Variants in MMS22L observed in about 807,000 individuals in gnomAD.
MMS22L encodes protein MMS22-like.
In MMS22L, 74 loss-of-function variants were observed where a neutral mutation model predicts 159.1. That is an observed-to-expected ratio of 0.47 (90% CI 0.39 to 0.56). The LOEUF (loss-of-function observed/expected upper bound fraction) is 0.56. Among genes scored for constraint, MMS22L ranks in the 20% least tolerant of loss-of-function variants. MMS22L has a pLI of 0.00. For missense variants in MMS22L, 1,351 were observed against 1,422.1 expected (o/e 0.95, Z 0.80); for synonymous variants, 517 against 506.9 (o/e 1.02, Z -0.27).
Position 97,229,218 on chromosome 6 carries a change from TTCC to T in MMS22L, c.1712_1714del (p.Trp571_Lys572delinsTer). On this transcript the variant is annotated stop_gained and inframe_deletion, in exon 14 of 25. Transcript: ENST00000683635. LOFTEE classifies it high-confidence loss of function. ...CATCAAGAGGAAGGCCATGTGACCCTTCCAAATGAGGGCTCTCTGAGACGTTAC... is the reference window on the plus strand; with the variant it reads ...CATCAAGAGGAAGGCCATGTGACCCTAAATGAGGGCTCTCTGAGACGTTAC... The T allele has an allele frequency of 6.2e-7, 1 of 1,614,082 alleles. No homozygotes were observed. The highest frequency in any genetic ancestry group is 1.1e-5 in the South Asian group (1 of 91,074).
chr6:97,233,851 A>C lies in MMS22L; in HGVS notation c.1302+10T>G. ...AATTCCTGGAGCAAATTCCTATTCT[A>C]TTCACTCACCAGGTTCTTACTATAA... On this transcript the variant is annotated intron_variant, in intron 12 of 24. Transcript: ENST00000683635. 18 of 1,591,498 alleles carry C rather than the reference A, an allele frequency of 1.1e-5. No homozygotes were observed. Among genetic ancestry groups the C allele is most frequent in the Non-Finnish European group, 1.5e-5 (17 of 1,171,626 alleles).
At chr6:97,266,849 A>C (rs951943926) in intron 8 of MMS22L, 8 of 152,194 alleles carry the variant, frequency 5.3e-5, no homozygotes, top group Admixed American at 5.2e-4. Context: ...GAGGATTAGG[A>C]GGGAGGCGGG....
intron 7 of MMS22L, among the ~76,000 whole-genome samples, chr6:97,269,152 A>G (rs1332791922): frequency 6.6e-6 from 1 of 152,170 alleles, no homozygotes; most frequent in East Asian, 1.9e-4. Flanking sequence ...AATATAGACA[A>G]TAAAACGTAA....
chr6:97,248,096 T>A (rs1201048799), intron 10 of MMS22L, among the ~76,000 whole-genome samples: 1 of 152,214 alleles, frequency 6.6e-6, no homozygotes, highest in East Asian at 1.9e-4. Flanking sequence ...AATACCAATA[T>A]AAGTGATAGT....
chr6:97,251,401 G>A (rs187339008), intron 10 of MMS22L, among the ~76,000 whole-genome samples: 277 of 152,216 alleles, frequency 1.8e-3, no homozygotes, highest in Non-Finnish European at 3.3e-3. Context: ...TACTAAATAT[G>A]TTGCAAATGC....
At chr6:97,158,675 ATAGT>A (rs1802106721) in intron 22 of MMS22L, among the ~76,000 whole-genome samples, 1 of 152,070 alleles carries the variant, frequency 6.6e-6, no homozygotes, top group African/African-American at 2.4e-5. Flanking sequence ...GGTCTGAGAG[ATAGT>A]TTGTTGTGAT....
intron 11 of MMS22L, among the ~76,000 whole-genome samples, chr6:97,246,400 C>T (rs941801670): frequency 2.0e-5 from 3 of 152,142 alleles, no homozygotes; most frequent in South Asian, 2.1e-4. Flanking sequence ...ATTTTGAATA[C>T]ATTTTGTCAA....
At chr6:97,149,031 TAA>T (rs1801063706) in intron 24 of MMS22L, among the ~76,000 whole-genome samples, 1 of 152,228 alleles carries the variant, frequency 6.6e-6, no homozygotes, top group African/African-American at 2.4e-5. Context: ...TTCACTACAG[TAA>T]CATGTTATAC....
intron 14 of MMS22L, among the ~76,000 whole-genome samples, chr6:97,190,509 T>C (rs1805753765): frequency 1.3e-5 from 2 of 152,112 alleles, no homozygotes; most frequent in Admixed American, 6.6e-5. Flanking sequence ...CAATACAGTA[T>C]AGTAGAAAAT....
At chr6:97,171,482 C>T (rs998188573) in intron 19 of MMS22L, among the ~76,000 whole-genome samples, 6 of 152,030 alleles carry the variant, frequency 3.9e-5, no homozygotes, top group African/African-American at 1.4e-4. Flanking sequence ...TGATTGAAAG[C>T]TTTATACATG....
chr6:97,247,682 C>T (rs1235071716), intron 10 of MMS22L, among the ~76,000 whole-genome samples: 1 of 151,938 alleles, frequency 6.6e-6, no homozygotes, highest in Non-Finnish European at 1.5e-5. Context: ...CATGCCACTG[C>T]GCTCTAGCCT....
intron 22 of MMS22L, among the ~76,000 whole-genome samples, chr6:97,159,948 G>GTTTTTTTTTTT (rs368455553): frequency 0.031 from 2,990 of 96,324 alleles, 3 homozygotes; most frequent in Non-Finnish European, 0.035. Flanking sequence ...TATCATTTCT[G>GTTTTTTTTTTT]TTTTTTTTTT....
In MMS22L at chr6:97,273,020, T is replaced by C. The variant is rs748937071; in HGVS notation, c.383A>G (p.Gln128Arg). 3.5e-5 allele frequency: 57 copies of C among 1,612,882 alleles called. No homozygotes were observed. The highest frequency in any genetic ancestry group is 4.6e-5 in the Non-Finnish European group (54 of 1,179,798). The change falls in exon 5 of 25, where the codon CAG becomes CGG. Residue 128 changes from glutamine (Q) to arginine (R), a missense_variant. Physicochemically the swap from Gln to Arg is conservative, Grantham distance 43. Coordinates refer to ENST00000683635, the MANE Select transcript of MMS22L (RefSeq NM_001350599.2). ...ATAATGGAGAAATAGTACACACTGC[T>C]GCCTAATATTGTCTGCTTTGCAGTG... is the stretch of plus-strand genomic sequence containing the variant. ...TLHCKADNIR[Q>R]QCVLFLHYVK...
chr6:97,273,855 GT>G (rs1815997606), intron 4 of MMS22L, among the ~76,000 whole-genome samples: 2 of 151,916 alleles, frequency 1.3e-5, no homozygotes, highest in South Asian at 4.2e-4. Context: ...GCTCTCTTTT[GT>G]CCCCCTATAC....
intron 9 of MMS22L, chr6:97,260,447 G>GT (rs1360829729): frequency 6.6e-6 from 1 of 152,032 alleles, no homozygotes; most frequent in Non-Finnish European, 1.5e-5. Flanking sequence ...CCTCAGTCAT[G>GT]TTGTAATTTA....
At chr6:97,205,006 C>T (rs557118479) in intron 14 of MMS22L, among the ~76,000 whole-genome samples, 9 of 136,192 alleles carry the variant, frequency 6.6e-5, no homozygotes, top group African/African-American at 1.9e-4. Context: ...TGCAATGGCG[C>T]GATCACAGCT....
intron 6 of MMS22L, 79 bp from the exon 7 acceptor site, chr6:97,270,071 T>TC: frequency 9.2e-7 from 1 of 1,089,442 alleles, no homozygotes. Flanking sequence ...ACAATACTCC[T>TC]CCATAAACAC....
At chr6:97,157,242 T>C (rs1043940749) in intron 22 of MMS22L, among the ~76,000 whole-genome samples, 1 of 152,214 alleles carries the variant, frequency 6.6e-6, no homozygotes, top group Non-Finnish European at 1.5e-5. Context: ...GTTTCCTAAA[T>C]ATACAATCAT....
At chr6:97,281,616 A>G (rs1248776732) in intron 2 of MMS22L, among the ~76,000 whole-genome samples, 3 of 152,156 alleles carry the variant, frequency 2.0e-5, no homozygotes, top group Non-Finnish European at 4.4e-5. Context: ...TAAAAAACAT[A>G]TTTCTGCCTG....
Sources: allele counts gnomAD v4.1 joint callset (sites outside exome capture counted in the v4.1 genomes callset), GRCh38; gene constraint gnomAD v4.1.1; transcripts MANE v1.5; gene names NCBI Gene and HGNC (gene_info 2026-07-23, HGNC 2026-07-21).